KSR2: variants seen among roughly 807,000 people sequenced by gnomAD.
The protein encoded by KSR2 is kinase suppressor of ras 2.
A neutral mutation model predicts 107.8 loss-of-function variants in KSR2; 25 were observed. The observed-to-expected ratio is 0.23, with a 90% CI of 0.17 to 0.32. KSR2 has a LOEUF of 0.32. Ranked by LOEUF, KSR2 falls within the 10% of genes least tolerant of loss-of-function variation. The pLI, the probability that KSR2 is intolerant of heterozygous loss-of-function variation, is 1.00. For synonymous variants in KSR2, 480 were observed against 507.0 expected (o/e 0.95, Z 0.71); for missense variants, 887 against 1,268.9 (o/e 0.70, Z 4.57).
intron 1 of KSR2, among the ~76,000 whole-genome samples, chr12:117,884,427 C>T (rs1037829575): frequency 2.6e-5 from 4 of 152,208 alleles, no homozygotes; most frequent in African/African-American, 7.2e-5. Flanking sequence ...CAAAATCCTC[C>T]ACCATGCCAG....
chr12:117,595,747 A>G (rs1406105497), intron 5 of KSR2, among the ~76,000 whole-genome samples: 1 of 152,148 alleles, frequency 6.6e-6, no homozygotes, highest in Non-Finnish European at 1.5e-5. Context: ...GACAGACAAT[A>G]CTTTGAAGGC....
chr12:117,697,560 G>T (rs1886121325), intron 4 of KSR2, among the ~76,000 whole-genome samples: 1 of 152,086 alleles, frequency 6.6e-6, no homozygotes, highest in African/African-American at 2.4e-5. Flanking sequence ...GACCAACATG[G>T]TGAAACCCTA....
intron 7 of KSR2, among the ~76,000 whole-genome samples, chr12:117,560,886 C>T (rs1028805734): frequency 6.6e-6 from 1 of 152,182 alleles, no homozygotes; most frequent in South Asian, 2.1e-4. Context: ...TCCCCCTTCT[C>T]CTTCTGCTAT....
At chr12:117,941,673 C>A (rs1896013250) in intron 1 of KSR2, among the ~76,000 whole-genome samples, 1 of 113,256 alleles carries the variant, frequency 8.8e-6, no homozygotes, top group African/African-American at 3.4e-5. Flanking sequence ...GTCACCCAGG[C>A]TGGAGTGCAG....
intron 5 of KSR2, among the ~76,000 whole-genome samples, chr12:117,656,958 A>ATAT (rs1555225255): frequency 8.4e-4 from 74 of 87,888 alleles, no homozygotes; most frequent in Middle Eastern, 4.9e-3. Flanking sequence ...ATATATATAT[A>ATAT]ATAGGATATA....
At chr12:117,592,661 A>G (rs936907284) in intron 5 of KSR2, among the ~76,000 whole-genome samples, 1 of 152,236 alleles carries the variant, frequency 6.6e-6, no homozygotes, top group Non-Finnish European at 1.5e-5. Context: ...ATTTAATTAC[A>G]GTTTCATAAT....
chr12:117,527,267 A>T lies in KSR2; in HGVS notation c.1803-148T>A, dbSNP rs538276070. 3.1e-5 allele frequency: 20 copies of T among 640,010 alleles called. No individual in the cohort carries two copies. In the African/African-American group the frequency reaches 3.4e-4, roughly 11 times the overall value. 39.6% of individuals were successfully genotyped at this position (640,010 alleles called of 1,614,324 possible). A position where few individuals can be genotyped will look rare whatever the true frequency, so the allele number is the denominator to read the frequency against. ...TCATTTCAACAGGTGTGTCTGAAAT[A>T]ATCCATAACCTCGACACACACACAC... On this transcript the variant is annotated intron_variant, in intron 12 of 19. Coordinates refer to ENST00000339824, the MANE Select transcript of KSR2 (RefSeq NM_173598.6).
At chr12:117,801,408 C>T (rs887322064) in intron 3 of KSR2, among the ~76,000 whole-genome samples, 4 of 151,890 alleles carry the variant, frequency 2.6e-5, no homozygotes, top group African/African-American at 9.7e-5. Context: ...GGATTACTGG[C>T]GTGAGCCACC....
intron 14 of KSR2, among the ~76,000 whole-genome samples, chr12:117,495,104 T>A (rs893728830): frequency 6.6e-6 from 1 of 152,184 alleles, no homozygotes; most frequent in Non-Finnish European, 1.5e-5. Flanking sequence ...GGTTTCAAAG[T>A]CAGCTGTTAT....
intron 5 of KSR2, among the ~76,000 whole-genome samples, chr12:117,597,636 A>T (rs1880722746): frequency 6.6e-6 from 1 of 152,186 alleles, no homozygotes; most frequent in Non-Finnish European, 1.5e-5. Context: ...TTGTTTTGGA[A>T]TTACGACCTC....
chr12:117,476,676 G>C, intron 16 of KSR2, 81 bp from the exon 17 acceptor site: 1 of 1,422,370 alleles, frequency 7.0e-7, no homozygotes, highest in Non-Finnish European at 9.4e-7. Flanking sequence ...CTACGTCCCT[G>C]GAGCCATCTC....
In KSR2 at chr12:117,968,298, A is replaced by C; in HGVS notation, c.-43T>G. The C allele has an allele frequency of 8.2e-7, 1 of 1,225,410 alleles. No individual in the cohort carries two copies. The highest frequency in any genetic ancestry group is 1.6e-5 in the South Asian group (1 of 62,478). The allele number at this position is 1,225,410 out of a possible 1,614,324, so 75.9% of individuals were successfully genotyped here. ...CCTTCCCCTCCTCCTCCTCCCAGAGAGAAAAAAGAGGGGGGGGAGTAGAGG... is the reference window on the plus strand; with the variant it reads ...CCTTCCCCTCCTCCTCCTCCCAGAGCGAAAAAAGAGGGGGGGGAGTAGAGG... On this transcript the variant is annotated 5_prime_UTR_variant, in exon 1 of 20. Transcript: ENST00000339824.
intron 1 of KSR2, among the ~76,000 whole-genome samples, chr12:117,949,682 C>G (rs192096722): frequency 6.6e-6 from 1 of 152,210 alleles, no homozygotes; most frequent in Non-Finnish European, 1.5e-5. Context: ...CATTTATATA[C>G]AGCTCTTTTC....
At position 117,902,215 on chromosome 12, in the gene KSR2, T is replaced by C. The variant is rs140226408; in HGVS notation, c.181-41784A>G. ...GGCTCACACCTGTAATCCCAGAACT[T>C]TGGGAGGCCAAGGTGGGTGGATCAC... On this transcript the variant is annotated intron_variant, in intron 1 of 19. Coordinates refer to ENST00000339824, the MANE Select transcript of KSR2 (RefSeq NM_173598.6). Among the ~76,000 whole-genome samples the C allele has an allele frequency of 2.3e-4, 35 of 152,224 alleles. No individual in the cohort carries two copies. The East Asian group carries it at 5.4e-3, about 24-fold the overall frequency.
In KSR2 at chr12:117,740,522, G is replaced by A. The variant is rs959629306; in HGVS notation, c.986+20489C>T. 7.3e-5 allele frequency among the ~76,000 whole-genome samples: 7 copies of A among 96,364 alleles called. 1 individual carries two copies. The highest frequency in any genetic ancestry group is 2.2e-4 in the African/African-American group (7 of 32,154). 63.2% of individuals were successfully genotyped at this position (96,364 alleles called of 152,430 possible). ...ATATATTACATTTATATAATATATA[G>A]TACATATATTATATATGTAATATAT... is the stretch of plus-strand genomic sequence containing the variant. On this transcript the variant is annotated intron_variant, in intron 4 of 19. Transcript: ENST00000339824.
intron 4 of KSR2, among the ~76,000 whole-genome samples, chr12:117,703,615 T>C (rs1032694783): frequency 1.3e-5 from 2 of 152,120 alleles, no homozygotes; most frequent in African/African-American, 4.8e-5. Context: ...AAAGGCCAAT[T>C]CCACCTCCCA....
At chr12:117,475,311 T>A (rs1871706759) in intron 17 of KSR2, among the ~76,000 whole-genome samples, 1 of 152,186 alleles carries the variant, frequency 6.6e-6, no homozygotes, top group South Asian at 2.1e-4. Context: ...TGCTTCCCTC[T>A]CTAGTCTCTT....
chr12:117,847,955 C>A (rs544759410), intron 3 of KSR2, among the ~76,000 whole-genome samples: 1 of 151,828 alleles, frequency 6.6e-6, no homozygotes, highest in African/African-American at 2.4e-5. Flanking sequence ...GATAAACACA[C>A]GTGGGAGGGG....
intron 14 of KSR2, among the ~76,000 whole-genome samples, chr12:117,521,304 T>C (rs1232365767): frequency 6.6e-6 from 1 of 152,188 alleles, no homozygotes; most frequent in African/African-American, 2.4e-5. Context: ...ACTGTCAGAG[T>C]TGGCAGGACA....
Sources: allele counts gnomAD v4.1 joint callset (sites outside exome capture counted in the v4.1 genomes callset), GRCh38; gene constraint gnomAD v4.1.1; transcripts MANE v1.5; gene names NCBI Gene and HGNC (gene_info 2026-07-23, HGNC 2026-07-21).